Variants in PDGFRB observed in about 807,000 individuals in gnomAD.
PDGFRB encodes platelet derived growth factor receptor beta.
In PDGFRB, 42 loss-of-function variants were observed where a neutral mutation model predicts 120.2. The ratio of observed to expected loss-of-function variants is 0.35; its 90% CI spans 0.27 to 0.45. PDGFRB has a LOEUF of 0.45. PDGFRB is among the 20% of genes least tolerant of loss of function. The pLI is 1.00. For missense variants in PDGFRB, 1,149 were observed against 1,476.3 expected (o/e 0.78, Z 3.63); for synonymous variants, 586 against 606.8 (o/e 0.97, Z 0.50).
intron 11 of PDGFRB, among the ~76,000 whole-genome samples, chr5:150,125,817 C>A (rs1455974719): frequency 6.6e-6 from 1 of 152,186 alleles, no homozygotes; most frequent in Non-Finnish European, 1.5e-5. Context: ...GAGCAACTGG[C>A]AGCTGAGGGC....
chr5:150,126,452 A>T, intron 11 of PDGFRB, 68 bp downstream of exon 11: 1 of 865,572 alleles, frequency 1.2e-6, no homozygotes. Flanking sequence ...CAAGGAGGGC[A>T]GAGGGGTGGA....
rs933918391 is a variant in PDGFRB at position 150,127,989 on chromosome 5, T to TCCCTTA, written c.1580-1381_1580-1376dup. 9.9e-5 allele frequency among the ~76,000 whole-genome samples: 15 copies of TCCCTTA among 152,134 alleles called. 1 individual carries two copies. The highest frequency in any genetic ancestry group is 3.6e-4 in the African/African-American group (15 of 41,496). On this transcript the variant is annotated intron_variant, in intron 10 of 22. Transcript: ENST00000261799. ...TTCGTCTCTCACCCCTTATCCATTC[T>TCCCTTA]CCCTTACCCTTACCTATCCTCGCCA... is the stretch of plus-strand genomic sequence containing the variant.
Position 150,132,744 on chromosome 5 carries a change from G to A in PDGFRB, c.1127+6C>T, listed in dbSNP as rs1212625566. Reference sequence around the variant, plus strand: ...CAAGAATGGGATGGGAGAGCGAGCTGCTCACCGGGTCTCCGACACGTTGCG... The same window carrying A: ...CAAGAATGGGATGGGAGAGCGAGCTACTCACCGGGTCTCCGACACGTTGCG... On this transcript the variant is annotated splice_donor_region_variant and intron_variant, in intron 7 of 22. Transcript: ENST00000261799. This position sits in a 1 kb window ranked among gnomAD's most constrained non-coding sequence, Gnocchi z 5.0. The A allele has an allele frequency of 6.2e-7, 1 of 1,610,444 alleles. No individual in the cohort carries two copies. Among genetic ancestry groups the A allele is most frequent in the Non-Finnish European group, 8.5e-7 (1 of 1,177,952 alleles).
chr5:150,121,447 CT>C lies in PDGFRB; in HGVS notation c.2345-126del. 1 of 692,270 alleles carries C rather than the reference CT, an allele frequency of 1.4e-6. No homozygotes were observed. Among genetic ancestry groups the C allele is most frequent in the Admixed American group, 2.2e-5 (1 of 46,196 alleles). The allele number at this position is 692,270 out of a possible 1,614,324, so 42.9% of individuals were successfully genotyped here. On this transcript the variant is annotated intron_variant, in intron 16 of 22. Transcript: ENST00000261799. This position sits in a 1 kb window ranked among gnomAD's most constrained non-coding sequence, Gnocchi z 4.1. ...TGGCTACTGATCGTCTAGGTCTCCC[CT>C]AAAAGGAGAATGATTTCTTAATATC...
intron 8 of PDGFRB, 25 bp from the exon 9 acceptor site, chr5:150,130,687 G>T: frequency 6.2e-7 from 1 of 1,611,138 alleles, no homozygotes; most frequent in Non-Finnish European, 8.5e-7. Context: ...CACTGAGTTA[G>T]GAGGCGGGAG....
rs746469239 is a variant in PDGFRB at position 150,124,260 on chromosome 5, G to A, written c.2013C>T (p.Cys671=). ...HLNVVNLLGA[C]TKGGPIYIIT... The stretch of plus-strand genomic sequence containing the variant: ...CAGTGGGCTCGGTACCTCCTTTGGT[G>A]CAGGCCCCCAACAGGTTGACCACGT... Residue 671 remains cysteine (C), a synonymous_variant, in exon 14 of 23, where the codon TGC becomes TGT. Transcript: ENST00000261799. 1 of 1,611,694 alleles carries A rather than the reference G, an allele frequency of 6.2e-7. No individual in the cohort carries two copies. The highest frequency in any genetic ancestry group is 8.5e-7 in the Non-Finnish European group (1 of 1,177,876).
At chr5:150,122,820 G>C (rs1361469280) in intron 15 of PDGFRB, among the ~76,000 whole-genome samples, 1 of 152,228 alleles carries the variant, frequency 6.6e-6, no homozygotes, top group African/African-American at 2.4e-5. Flanking sequence ...ACGACACAGG[G>C]ATGGCATGTC....
At chr5:150,148,335 C>A (rs139009243) in intron 1 of PDGFRB, among the ~76,000 whole-genome samples, 3 of 152,214 alleles carry the variant, frequency 2.0e-5, no homozygotes, top group Non-Finnish European at 2.9e-5. Context: ...AACGCTTACA[C>A]GATATGAGAG....
In PDGFRB at chr5:150,132,868, G is replaced by A. The variant is rs1760508612; in HGVS notation, c.1009C>T (p.Gln337Ter). 4.4e-6 allele frequency: 7 copies of A among 1,603,154 alleles called. No individual in the cohort carries two copies. Among genetic ancestry groups the A allele is most frequent in the East Asian group, 2.2e-5 (1 of 44,462 alleles). Residue 337 changes from glutamine (Q) to a stop codon, truncating the protein, a stop_gained, in exon 7 of 23, where the codon CAG (glutamine) becomes TAG (stop). Coordinates refer to ENST00000261799, the MANE Select transcript of PDGFRB (RefSeq NM_002609.4). LOFTEE classifies it high-confidence loss of function. The surrounding 1 kb of genome is among the most constrained non-coding windows in gnomAD (Gnocchi z 5.0). ...FAELHRSRTL[Q>*]VVFEAYPPPT... ...GGTGGGTAGGCCTCGAACACTACCT[G>A]CAGTGTCCGGCTCCGATGCAGCTCA... is the stretch of plus-strand genomic sequence containing the variant.
At chr5:150,117,539 C>CTT in intron 22 of PDGFRB, 79 bp downstream of exon 22, 1 of 584,180 alleles carries the variant, frequency 1.7e-6, no homozygotes, top group Admixed American at 3.0e-5. Flanking sequence ...CGCGCGCGCG[C>CTT]GCGCGCACAC....
chr5:150,124,549 G>C, intron 13 of PDGFRB, 178 bp downstream of exon 13: 2 of 623,788 alleles, frequency 3.2e-6, no homozygotes, highest in South Asian at 4.0e-5. Flanking sequence ...GAGGAGGCCA[G>C]GGAGAGGAAC....
intron 1 of PDGFRB, among the ~76,000 whole-genome samples, chr5:150,143,968 C>T (rs2113923710): frequency 6.6e-6 from 1 of 152,214 alleles, no homozygotes; most frequent in South Asian, 2.1e-4. Context: ...TGCTTCTAGG[C>T]CCGGGGTCCT....
rs1379841859 is a variant in PDGFRB, at chr5:150,117,863, C to G, written c.2905-13G>C. Reference sequence around the variant, plus strand: ...CCTGCTGGTACTTCTGCTCCCGGGGCAGGGAGAACCAAAGAAACAGGGATG... The same window carrying G: ...CCTGCTGGTACTTCTGCTCCCGGGGGAGGGAGAACCAAAGAAACAGGGATG... On this transcript the variant is annotated splice_polypyrimidine_tract_variant and intron_variant, in intron 21 of 22. Transcript: ENST00000261799. 2 of 1,501,634 alleles carry G rather than the reference C, an allele frequency of 1.3e-6. No homozygotes were observed. The highest frequency in any genetic ancestry group is 1.8e-6 in the Non-Finnish European group (2 of 1,085,178). The allele number at this position is 1,501,634 out of a possible 1,614,324, so 93.0% of individuals were successfully genotyped here.
intron 14 of PDGFRB, among the ~76,000 whole-genome samples, chr5:150,123,654 T>C (rs534200473): frequency 6.6e-6 from 1 of 152,330 alleles, no homozygotes; most frequent in South Asian, 2.1e-4. Flanking sequence ...CTTGAAGATA[T>C]CTACACAAAC....
chr5:150,136,985 T>A, intron 2 of PDGFRB, 23 bp downstream of exon 2: 1 of 1,605,770 alleles, frequency 6.2e-7, no homozygotes, highest in Non-Finnish European at 8.5e-7. Flanking sequence ...CCGGGTCCCC[T>A]ACCTTATCTC....
chr5:150,136,880 T>C, intron 2 of PDGFRB, 128 bp downstream of exon 2: 1 of 721,066 alleles, frequency 1.4e-6, no homozygotes, highest in Non-Finnish European at 2.4e-6. Context: ...TCCTGAAAAC[T>C]AAAGCTGAAG....
At chr5:150,147,995 G>C (rs1760972686) in intron 1 of PDGFRB, among the ~76,000 whole-genome samples, 1 of 152,230 alleles carries the variant, frequency 6.6e-6, no homozygotes, top group Non-Finnish European at 1.5e-5. Flanking sequence ...AGTGATGCAT[G>C]TGATAAATGA....
chr5:150,144,135 C>G (rs1760853972), intron 1 of PDGFRB, among the ~76,000 whole-genome samples: 1 of 152,168 alleles, frequency 6.6e-6, no homozygotes, highest in Non-Finnish European at 1.5e-5. Context: ...CCTGCACCCC[C>G]TCCTCCAGCA....
intron 15 of PDGFRB, 119 bp downstream of exon 15, chr5:150,122,923 G>A (rs942120453): frequency 1.3e-5 from 11 of 860,520 alleles, no homozygotes; most frequent in East Asian, 2.4e-5. Context: ...CTAGCTCCAG[G>A]AGTGATTCTG....
Sources: gnomAD v4.1 joint callset for allele counts (sites outside exome capture counted in the v4.1 genomes callset) on GRCh38, gnomAD v4.1.1 for gene constraint, Gnocchi (gnomAD v3.1) non-coding constraint, MANE v1.5 for transcripts, NCBI Gene and HGNC (gene_info 2026-07-23, HGNC 2026-07-21) for gene names.